BTBD9: variants seen among roughly 807,000 people sequenced by gnomAD.
BTBD9 encodes BTB/POZ domain-containing protein 9.
BTBD9 carries 49 observed loss-of-function variants against 64.3 expected under a neutral mutation model. The observed-to-expected ratio is 0.76, with a 90% CI of 0.61 to 0.97. The LOEUF (loss-of-function observed/expected upper bound fraction) is 0.97, where lower values mean the gene tolerates loss of function less well. Among genes scored for constraint, BTBD9 ranks in the 50% least tolerant of loss-of-function variants. The pLI, the probability that BTBD9 is intolerant of heterozygous loss-of-function variation, is 0.00. For missense variants in BTBD9, 598 were observed against 762.1 expected (o/e 0.78, Z 2.53); for synonymous variants, 260 against 274.7 (o/e 0.95, Z 0.53).
intron 6 of BTBD9, among the ~76,000 whole-genome samples, chr6:38,358,992 C>T (rs993652414): frequency 2.0e-5 from 3 of 151,748 alleles, no homozygotes; most frequent in Admixed American, 6.6e-5. Context: ...AGGATGGTCT[C>T]GATCTCCTGA....
At chr6:38,358,616 G>C (rs1011048415) in intron 6 of BTBD9, among the ~76,000 whole-genome samples, 2 of 152,202 alleles carry the variant, frequency 1.3e-5, no homozygotes, top group African/African-American at 4.8e-5. Flanking sequence ...AGTAGGAAGA[G>C]AGCTTTCAAC....
At chr6:38,605,690 C>T (rs1466971044) in intron 1 of BTBD9, among the ~76,000 whole-genome samples, 1 of 152,118 alleles carries the variant, frequency 6.6e-6, no homozygotes, top group Non-Finnish European at 1.5e-5. Context: ...TGGTGGTGTG[C>T]ATCTGCAGTC....
At chr6:38,442,209 C>T (rs1280180870) in intron 6 of BTBD9, among the ~76,000 whole-genome samples, 2 of 152,180 alleles carry the variant, frequency 1.3e-5, no homozygotes, top group East Asian at 1.9e-4. Flanking sequence ...GAGTCTGGGC[C>T]GGGTGCAGTG....
intron 6 of BTBD9, among the ~76,000 whole-genome samples, chr6:38,489,538 G>A (rs138678493): frequency 2.4e-4 from 37 of 152,152 alleles, no homozygotes; most frequent in Non-Finnish European, 4.1e-4. Flanking sequence ...TTTGTGTCAC[G>A]TAAATTTTCC....
intron 1 of BTBD9, among the ~76,000 whole-genome samples, chr6:38,616,598 G>C (rs550183744): frequency 6.6e-6 from 1 of 152,098 alleles, no homozygotes; most frequent in Non-Finnish European, 1.5e-5. Context: ...CTTACAAGAG[G>C]ATTGTAAATT....
chr6:38,591,008 A>G (rs1285095095), intron 4 of BTBD9, among the ~76,000 whole-genome samples: 3 of 152,138 alleles, frequency 2.0e-5, no homozygotes, highest in Non-Finnish European at 4.4e-5. Flanking sequence ...CACAGATTAA[A>G]TACTCTCCTC....
At chr6:38,228,254 G>A (rs1047364264) in intron 9 of BTBD9, among the ~76,000 whole-genome samples, 24 of 150,190 alleles carry the variant, frequency 1.6e-4, no homozygotes, top group African/African-American at 5.2e-4. Context: ...CCAGTTACTC[G>A]GGAGGCAGAG....
chr6:38,276,819 A>G (rs1362468653), intron 8 of BTBD9, among the ~76,000 whole-genome samples: 2 of 152,216 alleles, frequency 1.3e-5, no homozygotes, highest in African/African-American at 4.8e-5. Context: ...TGACTTTTTC[A>G]ACTCCAGATC....
intron 6 of BTBD9, among the ~76,000 whole-genome samples, chr6:38,549,600 T>C (rs1052809549): frequency 2.0e-5 from 3 of 152,074 alleles, no homozygotes; most frequent in Non-Finnish European, 1.5e-5. Flanking sequence ...AAAAAAAATC[T>C]TAGTGGTAAT....
intron 8 of BTBD9, among the ~76,000 whole-genome samples, chr6:38,265,325 A>G (rs578025348): frequency 6.6e-6 from 1 of 152,174 alleles, no homozygotes; most frequent in Admixed American, 6.5e-5. Context: ...TTGATATAGT[A>G]TAATTATTTA....
At chr6:38,421,776 T>C (rs560382504) in intron 6 of BTBD9, among the ~76,000 whole-genome samples, 5 of 152,264 alleles carry the variant, frequency 3.3e-5, no homozygotes, top group African/African-American at 1.2e-4. Flanking sequence ...AAATTATCAA[T>C]GAAATAATTA....
intron 1 of BTBD9, among the ~76,000 whole-genome samples, chr6:38,635,400 T>G (rs1011852031): frequency 6.6e-6 from 1 of 152,158 alleles, no homozygotes; most frequent in Non-Finnish European, 1.5e-5. Flanking sequence ...CCTCCCAAAG[T>G]GCTGGAGTTA....
intron 7 of BTBD9, among the ~76,000 whole-genome samples, chr6:38,294,088 T>C (rs1762072224): frequency 6.6e-6 from 1 of 152,064 alleles, no homozygotes; most frequent in Non-Finnish European, 1.5e-5. Context: ...TCACTGGCCA[T>C]TAGAGAAATG....
intron 9 of BTBD9, among the ~76,000 whole-genome samples, chr6:38,198,746 C>T (rs1293056349): frequency 6.6e-6 from 1 of 152,222 alleles, no homozygotes; most frequent in Admixed American, 6.5e-5. Context: ...GCACAGAATG[C>T]ATTCTTTCCA....
chr6:38,220,162 G>A (rs983383159), intron 9 of BTBD9, among the ~76,000 whole-genome samples: 1 of 152,200 alleles, frequency 6.6e-6, no homozygotes, highest in Non-Finnish European at 1.5e-5. Flanking sequence ...ATGGTGTTGG[G>A]GGACATGCCC....
At chr6:38,331,627 G>C (rs1302016181) in intron 7 of BTBD9, among the ~76,000 whole-genome samples, 1 of 152,242 alleles carries the variant, frequency 6.6e-6, no homozygotes, top group Admixed American at 6.5e-5. Flanking sequence ...GGGAGGTCAA[G>C]TTGGGAGGAT....
chr6:38,514,524 C>G (rs1243257509), intron 6 of BTBD9, among the ~76,000 whole-genome samples: 3 of 151,738 alleles, frequency 2.0e-5, no homozygotes, highest in Non-Finnish European at 4.4e-5. Flanking sequence ...TGAACATGAA[C>G]AAAGTCCACC....
At chr6:38,554,132 G>A (rs958892351) in intron 6 of BTBD9, among the ~76,000 whole-genome samples, 40 of 152,086 alleles carry the variant, frequency 2.6e-4, no homozygotes, top group African/African-American at 8.0e-4. Flanking sequence ...TAAGATTTAT[G>A]GCTAGCATGA....
At chr6:38,465,320 T>C (rs1242871801) in intron 6 of BTBD9, among the ~76,000 whole-genome samples, 1 of 151,068 alleles carries the variant, frequency 6.6e-6, no homozygotes, top group Non-Finnish European at 1.5e-5. Context: ...ATTTATTTAA[T>C]ATATATGGGT....
Sources: allele counts gnomAD v4.1 joint callset (sites outside exome capture counted in the v4.1 genomes callset), GRCh38; gene constraint gnomAD v4.1.1; transcripts MANE v1.5; gene names NCBI Gene and HGNC (gene_info 2026-07-23, HGNC 2026-07-21).